Variants in PKNOX2 observed in about 807,000 individuals in gnomAD.
PKNOX2 encodes homeobox protein PKNOX2.
In PKNOX2, 14 loss-of-function variants were observed where a neutral mutation model predicts 53.1. The observed-to-expected ratio is 0.26, with a 90% confidence interval of 0.17 to 0.41. The LOEUF is 0.41. Ranked by LOEUF, PKNOX2 falls within the 10% of genes least tolerant of loss-of-function variation. The pLI is 1.00. For synonymous variants in PKNOX2, 257 were observed against 242.8 expected (o/e 1.06, Z -0.54); for missense variants, 496 against 602.8 (o/e 0.82, Z 1.85).
At chr11:125,235,004 C>T (rs533537115) in intron 1 of PKNOX2, 41 bp from the exon 2 acceptor site, 2 of 152,812 alleles carry the variant, frequency 1.3e-5, no homozygotes, top group Middle Eastern at 3.4e-3. Context: ...ACTTCTGCAG[C>T]ATCTTACACA....
At chr11:125,209,844 C>T (rs184849425) in intron 1 of PKNOX2, among the ~76,000 whole-genome samples, 1 of 152,130 alleles carries the variant, frequency 6.6e-6, no homozygotes, top group African/African-American at 2.4e-5. Flanking sequence ...TTATACCCAC[C>T]CTGGTGTCAT....
intron 1 of PKNOX2, among the ~76,000 whole-genome samples, chr11:125,225,148 C>G (rs1941579582): frequency 6.6e-6 from 1 of 152,206 alleles, no homozygotes; most frequent in Non-Finnish European, 1.5e-5. Context: ...TCTGGATGTG[C>G]CTGCCCCAAA....
chr11:125,293,490 T>C (rs1947442115), intron 2 of PKNOX2, among the ~76,000 whole-genome samples: 1 of 152,124 alleles, frequency 6.6e-6, no homozygotes, highest in Non-Finnish European at 1.5e-5. Context: ...TGGGAAGAGA[T>C]CTTCCTTTTT....
intron 2 of PKNOX2, among the ~76,000 whole-genome samples, chr11:125,275,348 A>T: frequency 6.6e-6 from 1 of 152,162 alleles, no homozygotes; most frequent in East Asian, 1.9e-4. Context: ...GCCAGTGTGC[A>T]TGGGGAATGA....
At chr11:125,212,630 G>T (rs758324666) in intron 1 of PKNOX2, among the ~76,000 whole-genome samples, 1 of 151,710 alleles carries the variant, frequency 6.6e-6, no homozygotes, top group Non-Finnish European at 1.5e-5. Flanking sequence ...AACAGAGAGG[G>T]AAGAGAGGAG....
chr11:125,405,121 C>A (rs547958579), intron 7 of PKNOX2, among the ~76,000 whole-genome samples: 13 of 151,950 alleles, frequency 8.6e-5, no homozygotes, highest in African/African-American at 3.2e-4. Flanking sequence ...GCCACCGACT[C>A]ACCGTCACCC....
intron 1 of PKNOX2, among the ~76,000 whole-genome samples, chr11:125,191,862 A>G (rs1380105736): frequency 6.6e-6 from 1 of 152,238 alleles, no homozygotes. Flanking sequence ...TGCAAAAACT[A>G]CAAAAATACA....
chr11:125,374,820 C>G (rs1001732101), intron 5 of PKNOX2, among the ~76,000 whole-genome samples: 5 of 152,156 alleles, frequency 3.3e-5, no homozygotes, highest in Non-Finnish European at 7.3e-5. Flanking sequence ...GCTTGGCACA[C>G]AGAAGGCTCT....
intron 10 of PKNOX2, among the ~76,000 whole-genome samples, chr11:125,426,333 G>T (rs1345889649): frequency 1.3e-5 from 2 of 152,146 alleles, no homozygotes; most frequent in Non-Finnish European, 2.9e-5. Context: ...GTCACCAGAG[G>T]GGTACTTAGC....
intron 5 of PKNOX2, among the ~76,000 whole-genome samples, chr11:125,371,393 G>A (rs1490236415): frequency 6.6e-6 from 1 of 152,132 alleles, no homozygotes; most frequent in Non-Finnish European, 1.5e-5. Context: ...TCCCAAAGAA[G>A]TTCAAGCTTA....
At chr11:125,194,223 C>T (rs1395873499) in intron 1 of PKNOX2, among the ~76,000 whole-genome samples, 12 of 152,198 alleles carry the variant, frequency 7.9e-5, no homozygotes, top group Non-Finnish European at 4.4e-5. Context: ...CCAGTAGGGC[C>T]CTCTGGGCTG....
chr11:125,188,684 C>T (rs1034036140), intron 1 of PKNOX2, among the ~76,000 whole-genome samples: 1 of 152,184 alleles, frequency 6.6e-6, no homozygotes, highest in Non-Finnish European at 1.5e-5. Flanking sequence ...GTAATCAACA[C>T]TCTCAGGGAG....
intron 7 of PKNOX2, 30 bp from the exon 8 acceptor site, chr11:125,410,163 CATT>C: frequency 1.2e-6 from 2 of 1,611,638 alleles, no homozygotes; most frequent in Non-Finnish European, 1.7e-6. Flanking sequence ...CTCTCAGTGT[CATT>C]GTCACAAACC....
chr11:125,407,432 G>C (rs1026827395), intron 7 of PKNOX2, among the ~76,000 whole-genome samples: 7 of 152,166 alleles, frequency 4.6e-5, no homozygotes, highest in African/African-American at 1.2e-4. Context: ...TTCTAACCTT[G>C]TTGGGTACTT....
At chr11:125,382,316 T>G (rs1436470004) in intron 5 of PKNOX2, among the ~76,000 whole-genome samples, 1 of 152,198 alleles carries the variant, frequency 6.6e-6, no homozygotes, top group East Asian at 1.9e-4. Context: ...CACACATGCA[T>G]ATGCACGCGC....
chr11:125,190,882 A>G (rs1956837211), intron 1 of PKNOX2: 1 of 152,210 alleles, frequency 6.6e-6, no homozygotes. Context: ...TTTGGCATCT[A>G]ATCATGTACT....
Position 125,166,093 on chromosome 11 carries a change from A to C in PKNOX2, c.-201+1317A>C, listed in dbSNP as rs1954854944. ...CTAGAGTTCGGTTTATAGGATCCAG[A>C]CTGTTTACGGAATCGGGATCGAGGG... On this transcript the variant is annotated intron_variant, in intron 1 of 12. Transcript: ENST00000298282. This position sits in a 1 kb window ranked among gnomAD's most constrained non-coding sequence, Gnocchi z 4.0. 6.6e-6 allele frequency among the ~76,000 whole-genome samples: 1 copy of C among 152,004 alleles called. No homozygotes were observed. The highest frequency in any genetic ancestry group is 1.5e-5 in the Non-Finnish European group (1 of 68,008).
At chr11:125,267,055 G>A (rs1303833089) in intron 2 of PKNOX2, among the ~76,000 whole-genome samples, 1 of 152,188 alleles carries the variant, frequency 6.6e-6, no homozygotes, top group Non-Finnish European at 1.5e-5. Context: ...TTTTGTCCTT[G>A]CTATCATTGT....
chr11:125,357,136 G>T (rs762414734), intron 4 of PKNOX2, among the ~76,000 whole-genome samples: 1 of 152,190 alleles, frequency 6.6e-6, no homozygotes, highest in Non-Finnish European at 1.5e-5. Context: ...CCCTTGCTTC[G>T]ACTCACCAAA....
Sources: gnomAD v4.1 joint callset for allele counts (sites outside exome capture counted in the v4.1 genomes callset) on GRCh38, gnomAD v4.1.1 for gene constraint, Gnocchi (gnomAD v3.1) non-coding constraint, MANE v1.5 for transcripts, NCBI Gene and HGNC (gene_info 2026-07-23, HGNC 2026-07-21) for gene names.